The following PXDNL variants were observed in gnomAD, a reference collection of about 807,000 sequenced individuals.
The protein encoded by PXDNL is peroxidasin like, also known as probable oxidoreductase PXDNL.
PXDNL carries 145 observed loss-of-function variants against 150.8 expected under a neutral mutation model. The ratio of observed to expected loss-of-function variants is 0.96; its 90% CI spans 0.84 to 1.10. The LOEUF is 1.10. PXDNL is among the 50% of genes least tolerant of loss of function. PXDNL has a pLI of 0.00. For missense variants in PXDNL, 2,087 were observed against 1,873.9 expected (o/e 1.11, Z -2.10); for synonymous variants, 757 against 725.7 (o/e 1.04, Z -0.69).
intron 3 of PXDNL, among the ~76,000 whole-genome samples, chr8:51,589,483 G>A (rs527496295): frequency 1.1e-4 from 16 of 152,298 alleles, no homozygotes; most frequent in Admixed American, 2.0e-4. Context: ...GATATTAAGC[G>A]GTCATGGCCA....
intron 2 of PXDNL, among the ~76,000 whole-genome samples, chr8:51,612,672 C>T (rs1338855182): frequency 6.6e-6 from 1 of 152,188 alleles, no homozygotes; most frequent in Non-Finnish European, 1.5e-5. Context: ...AGAGCTCCCT[C>T]CCCAATTCCA....
At chr8:51,547,994 T>A (rs1223559043) in intron 4 of PXDNL, among the ~76,000 whole-genome samples, 1 of 149,882 alleles carries the variant, frequency 6.7e-6, no homozygotes, top group Non-Finnish European at 1.5e-5. Flanking sequence ...GAAAACACAA[T>A]CACAACTTCT....
Position 51,453,516 on chromosome 8 carries a change from T to A in PXDNL, c.1249+3A>T, listed in dbSNP as rs769319788. On this transcript the variant is annotated splice_donor_region_variant and intron_variant, in intron 10 of 22. Coordinates refer to ENST00000356297, the MANE Select transcript of PXDNL (RefSeq NM_144651.5). ...TTTCAATCATGACCTTCTGCTCCCATACCTTGTACAATTATGTTTGCTGCA... is the reference window on the plus strand; with the variant it reads ...TTTCAATCATGACCTTCTGCTCCCAAACCTTGTACAATTATGTTTGCTGCA... The A allele has an allele frequency of 1.2e-6, 2 of 1,613,970 alleles. No homozygotes were observed. The highest frequency in any genetic ancestry group is 2.2e-5 in the South Asian group (2 of 91,088).
intron 15 of PXDNL, 94 bp downstream of exon 15, chr8:51,413,056 G>C (rs1808696901): frequency 1.3e-6 from 1 of 746,054 alleles, no homozygotes; most frequent in Admixed American, 2.2e-5. Flanking sequence ...GCACTCTATT[G>C]CATATGCACT....
At chr8:51,326,515 G>T (rs567156535) in intron 21 of PXDNL, among the ~76,000 whole-genome samples, 108 of 152,198 alleles carry the variant, frequency 7.1e-4, no homozygotes, top group Middle Eastern at 6.8e-3. Context: ...AAAAATAAAA[G>T]AAAAATAAGC....
Position 51,455,115 on chromosome 8 carries a change from CA to C in PXDNL, c.983-1331del, listed in dbSNP as rs536468204. Among the ~76,000 whole-genome samples the C allele has an allele frequency of 7.6e-4, 12 of 15,860 alleles. 1 individual carries two copies. The highest frequency in any genetic ancestry group is 0.011 in the South Asian group (1 of 92). 10.4% of individuals were successfully genotyped at this position (15,860 alleles called of 152,430 possible). On this transcript the variant is annotated intron_variant, in intron 9 of 22. Coordinates refer to ENST00000356297, the MANE Select transcript of PXDNL (RefSeq NM_144651.5). ...TGGGCGACAGAGCGAGACTCCGTCT[CA>C]AAAAAAAAAAAAAAAAAGAGGTAAG...
chr8:51,543,425 G>C (rs1167757847), intron 4 of PXDNL, among the ~76,000 whole-genome samples: 1 of 152,036 alleles, frequency 6.6e-6, no homozygotes, highest in Non-Finnish European at 1.5e-5. Context: ...GAAAAGAAGA[G>C]GTAATAAATA....
At chr8:51,409,676 A>G (rs1808572751) in intron 16 of PXDNL, 115 bp from the exon 17 acceptor site, 1 of 771,152 alleles carries the variant, frequency 1.3e-6, no homozygotes, top group Non-Finnish European at 2.0e-6. Flanking sequence ...GAGTGAAAAG[A>G]GGCCTTTCTT....
At chr8:51,783,761 G>C (rs2037436320) in intron 1 of PXDNL, among the ~76,000 whole-genome samples, 1 of 152,144 alleles carries the variant, frequency 6.6e-6, no homozygotes, top group South Asian at 2.1e-4. Context: ...AATGAAAGGG[G>C]CGTATTAGCC....
Position 51,770,048 on chromosome 8 carries a change from G to A in PXDNL, c.164+39133C>T, listed in dbSNP as rs578114399. 3.9e-5 allele frequency among the ~76,000 whole-genome samples: 6 copies of A among 152,174 alleles called. No homozygotes were observed. The East Asian group carries it at 7.7e-4, about 20-fold the overall frequency. On this transcript the variant is annotated intron_variant, in intron 1 of 22. Transcript: ENST00000356297. ...AGAGCTATGACGCTTGACTACATTCGCACAGATCACTCATTACCTCATTTT... is the reference window on the plus strand; with the variant it reads ...AGAGCTATGACGCTTGACTACATTCACACAGATCACTCATTACCTCATTTT...
At chr8:51,478,092 TATC>T (rs1487322707) in intron 6 of PXDNL, among the ~76,000 whole-genome samples, 1 of 152,130 alleles carries the variant, frequency 6.6e-6, no homozygotes, top group African/African-American at 2.4e-5. Context: ...TTTTCAAATT[TATC>T]ATGAGAAAAC....
chr8:51,570,759 T>C (rs1446414881), intron 3 of PXDNL, among the ~76,000 whole-genome samples: 1 of 151,868 alleles, frequency 6.6e-6, no homozygotes, highest in Non-Finnish European at 1.5e-5. Context: ...AAGCTAGAAT[T>C]CATAAGGGTC....
At chr8:51,771,914 T>C (rs1270260312) in intron 1 of PXDNL, among the ~76,000 whole-genome samples, 2 of 151,944 alleles carry the variant, frequency 1.3e-5, no homozygotes, top group East Asian at 3.9e-4. Flanking sequence ...GGCACTGATA[T>C]ATATCTGCGA....
rs61492447 is a variant in PXDNL at position 51,509,741 on chromosome 8, TACACAC to T, written c.381-9977_381-9972del. Among the ~76,000 whole-genome samples, 212 of 143,310 alleles carry T rather than the reference TACACAC, an allele frequency of 1.5e-3. 2 individuals are homozygous for T. The highest frequency in any genetic ancestry group is 3.6e-3 in the Middle Eastern group (1 of 280). 94.0% of individuals were successfully genotyped at this position (143,310 alleles called of 152,430 possible). A position where few individuals can be genotyped will look rare whatever the true frequency, so the allele number is the denominator to read the frequency against. The stretch of plus-strand genomic sequence containing the variant: ...GTGTGTACATATATATATACATATA[TACACAC>T]ACACACACACACACACACACACACA... On this transcript the variant is annotated intron_variant, in intron 4 of 22. Coordinates refer to ENST00000356297, the MANE Select transcript of PXDNL (RefSeq NM_144651.5).
At chr8:51,691,382 G>A (rs539994524) in intron 1 of PXDNL, among the ~76,000 whole-genome samples, 36 of 152,152 alleles carry the variant, frequency 2.4e-4, no homozygotes, top group African/African-American at 8.7e-4. Flanking sequence ...TCAGCTTTCT[G>A]CCTATGGCTA....
rs77028774 is a variant in PXDNL, at chr8:51,795,805, G to A, written c.164+13376C>T. On this transcript the variant is annotated intron_variant, in intron 1 of 22. Coordinates refer to ENST00000356297, the MANE Select transcript of PXDNL (RefSeq NM_144651.5). The stretch of plus-strand genomic sequence containing the variant: ...AGTGTCTGGGCCACTATTTGCAACC[G>A]TGGCCCCGACTTGCCAGTGAGACTT... 8.7e-4 allele frequency among the ~76,000 whole-genome samples: 133 copies of A among 152,304 alleles called. 1 individual carries two copies. The East Asian group carries it at 0.02, about 23-fold the overall frequency.
At chr8:51,608,153 G>A (rs1813904071) in intron 2 of PXDNL, among the ~76,000 whole-genome samples, 1 of 148,586 alleles carries the variant, frequency 6.7e-6, no homozygotes, top group Admixed American at 6.6e-5. Flanking sequence ...ACTTTGGGAG[G>A]CCGAGGTGGG....
rs115581694 is a variant in PXDNL, at chr8:51,730,827, A to G, written c.165-76067T>C. 3.6e-3 allele frequency among the ~76,000 whole-genome samples: 547 copies of G among 152,334 alleles called. 5 individuals carry two copies. The highest frequency in any genetic ancestry group is 0.012 in the African/African-American group (519 of 41,576). Reference sequence around the variant, plus strand: ...TACATGGTGGAAGGCAAGAAAGCATATGCAGAACTGCCCTTTATGATACCA... The same window carrying G: ...TACATGGTGGAAGGCAAGAAAGCATGTGCAGAACTGCCCTTTATGATACCA... On this transcript the variant is annotated intron_variant, in intron 1 of 22. Coordinates refer to ENST00000356297, the MANE Select transcript of PXDNL (RefSeq NM_144651.5).
intron 2 of PXDNL, among the ~76,000 whole-genome samples, chr8:51,610,911 A>C (rs1813985196): frequency 6.6e-6 from 1 of 152,160 alleles, no homozygotes. Flanking sequence ...TGATTGACTC[A>C]AAGTCAATTA....
Sources: gnomAD v4.1 joint callset for allele counts (sites outside exome capture counted in the v4.1 genomes callset) on GRCh38, gnomAD v4.1.1 for gene constraint, MANE v1.5 for transcripts, NCBI Gene and HGNC (gene_info 2026-07-23, HGNC 2026-07-21) for gene names.